The following LY9 variants were observed in gnomAD, a reference collection of about 807,000 sequenced individuals.
LY9 encodes T-lymphocyte surface antigen Ly-9.
LY9 carries 59 observed loss-of-function variants against 64.6 expected under a neutral mutation model. That is an observed-to-expected ratio of 0.91 (90% CI 0.74 to 1.13). The LOEUF (loss-of-function observed/expected upper bound fraction) is 1.13. Among genes scored for constraint, LY9 ranks in the 50% most tolerant of loss-of-function variants. The pLI is 0.00. For missense variants in LY9, 789 were observed against 797.2 expected (o/e 0.99, Z 0.12); for synonymous variants, 281 against 308.5 (o/e 0.91, Z 0.93).
chr1:160,825,163 A>T (rs1056747358), intron 9 of LY9, among the ~76,000 whole-genome samples: 1 of 151,760 alleles, frequency 6.6e-6, no homozygotes, highest in African/African-American at 2.4e-5. Flanking sequence ...AGCCAAGATC[A>T]TGCCACTGAA....
chr1:160,802,849 A>C (rs976222730), intron 2 of LY9: 1 of 196,866 alleles, frequency 5.1e-6, no homozygotes, highest in African/African-American at 2.4e-5. Flanking sequence ...GTCTATTTTT[A>C]TAACACCATG....
intron 6 of LY9, 132 bp downstream of exon 6, chr1:160,818,451 G>A (rs1668127173): frequency 3.2e-6 from 2 of 633,728 alleles, no homozygotes; most frequent in Non-Finnish European, 5.6e-6. Context: ...AGAGCAATGG[G>A]GGAGGGGTGT....
chr1:160,823,456 G>A lies in LY9; in HGVS notation c.1499-9G>A. 3 of 1,600,022 alleles carry A rather than the reference G, an allele frequency of 1.9e-6. No individual in the cohort carries two copies. The highest frequency in any genetic ancestry group is 2.6e-6 in the Non-Finnish European group (3 of 1,169,096). On this transcript the variant is annotated splice_polypyrimidine_tract_variant and intron_variant, in intron 7 of 9. Transcript: ENST00000263285. ...CATACTTTTATCAGCCCTGCACAAT[G>A]TGTTCCAGAACCCACAGCTGGCCAC... is the stretch of plus-strand genomic sequence containing the variant.
At chr1:160,800,970 G>A (rs1374772161) in intron 2 of LY9, among the ~76,000 whole-genome samples, 1 of 152,100 alleles carries the variant, frequency 6.6e-6, no homozygotes, top group Non-Finnish European at 1.5e-5. Context: ...TCCGCTAAGG[G>A]ACACAGATTA....
intron 6 of LY9, among the ~76,000 whole-genome samples, chr1:160,818,618 A>G (rs886078680): frequency 6.6e-6 from 1 of 152,108 alleles, no homozygotes; most frequent in African/African-American, 2.4e-5. Context: ...CATAATGGAG[A>G]AATGTCACCA....
At chr1:160,825,616 T>A (rs1415370960) in intron 9 of LY9, among the ~76,000 whole-genome samples, 2 of 152,246 alleles carry the variant, frequency 1.3e-5, no homozygotes, top group Admixed American at 6.5e-5. Context: ...AAATATTTTT[T>A]AAAAAACTCT....
chr1:160,826,875 C>T (rs1668877715), intron 9 of LY9, among the ~76,000 whole-genome samples: 2 of 152,164 alleles, frequency 1.3e-5, no homozygotes, highest in Admixed American at 1.3e-4. Context: ...TCTGGCCTGG[C>T]CCTTTGTGTT....
At chr1:160,821,732 T>G (rs897365171) in intron 7 of LY9, among the ~76,000 whole-genome samples, 1 of 152,148 alleles carries the variant, frequency 6.6e-6, no homozygotes, top group South Asian at 2.1e-4. Context: ...CTCTCCTCCT[T>G]ATGAATCCCT....
At chr1:160,812,105 A>G (rs1667520801) in intron 2 of LY9, 1 of 152,214 alleles carries the variant, frequency 6.6e-6, no homozygotes, top group African/African-American at 2.4e-5. Flanking sequence ...CCAGAACACA[A>G]TTCTGGAGGC....
chr1:160,796,618 C>G (rs1197429987), intron 1 of LY9, among the ~76,000 whole-genome samples: 1 of 152,130 alleles, frequency 6.6e-6, no homozygotes, highest in African/African-American at 2.4e-5. Context: ...GTCTCGATCT[C>G]TTGACCTCGT....
In LY9 at chr1:160,806,695, T is replaced by G. The variant is rs1202652302; in HGVS notation, c.454+6613T>G. 2.0e-5 allele frequency among the ~76,000 whole-genome samples: 3 copies of G among 152,242 alleles called. No homozygotes were observed. The East Asian group carries it at 5.8e-4, about 29-fold the overall frequency. On this transcript the variant is annotated intron_variant, in intron 2 of 9. Transcript: ENST00000263285. ...GACTTTAGATAGTTTGACTGTGATG[T>G]GTCATGGAGATCTTTTTGCATTGTA...
chr1:160,800,962 C>T (rs746669156), intron 2 of LY9, among the ~76,000 whole-genome samples: 37 of 152,086 alleles, frequency 2.4e-4, no homozygotes, highest in Non-Finnish European at 4.1e-4. Context: ...TCCATTCTTC[C>T]GCTAAGGGAC....
intron 2 of LY9, among the ~76,000 whole-genome samples, chr1:160,808,286 C>T (rs985784837): frequency 1.3e-5 from 2 of 152,184 alleles, no homozygotes; most frequent in African/African-American, 4.8e-5. Context: ...GCTCCCAATC[C>T]ATACTCTAGT....
intron 2 of LY9, chr1:160,802,148 A>C: frequency 7.7e-7 from 1 of 1,295,366 alleles, no homozygotes; most frequent in Non-Finnish European, 9.8e-7. Flanking sequence ...AGAGCCGCTG[A>C]CGCCCGCAGG....
intron 1 of LY9, 24 bp from the exon 2 acceptor site, chr1:160,799,729 C>G (rs1439948022): frequency 2.7e-5 from 41 of 1,516,452 alleles, no homozygotes; most frequent in Non-Finnish European, 3.6e-5. Flanking sequence ...GCTGCTCCTC[C>G]AAGTCCCTCT....
intron 3 of LY9, 108 bp downstream of exon 3, chr1:160,814,019 G>A (rs1667736842): frequency 8.2e-7 from 1 of 1,224,478 alleles, no homozygotes; most frequent in African/African-American, 1.5e-5. Context: ...GGGGAAGCAA[G>A]AGGACAGGCC....
At chr1:160,822,106 A>G (rs1273864910) in intron 7 of LY9, among the ~76,000 whole-genome samples, 5 of 152,188 alleles carry the variant, frequency 3.3e-5, no homozygotes, top group African/African-American at 1.2e-4. Flanking sequence ...GTTGTCTGAG[A>G]TATAAACTCA....
chr1:160,827,138 T>C (rs1271889542), intron 9 of LY9, among the ~76,000 whole-genome samples: 2 of 152,224 alleles, frequency 1.3e-5, no homozygotes, highest in African/African-American at 4.8e-5. Flanking sequence ...ATTGCCTACT[T>C]GATCTGGAAA....
chr1:160,797,162 C>T, intron 1 of LY9: 1 of 985,502 alleles, frequency 1.0e-6, no homozygotes, highest in Non-Finnish European at 1.2e-6. Context: ...CCCCACTGTC[C>T]AGCAGATAGA....
Sources: gnomAD v4.1 joint callset for allele counts (sites outside exome capture counted in the v4.1 genomes callset) on GRCh38, gnomAD v4.1.1 for gene constraint, MANE v1.5 for transcripts, NCBI Gene and HGNC (gene_info 2026-07-23, HGNC 2026-07-21) for gene names.